RPP14: variants seen among roughly 807,000 people sequenced by gnomAD.
The protein encoded by RPP14 is ribonuclease P protein subunit p14.
A neutral mutation model predicts 17.8 loss-of-function variants in RPP14; 19 were observed. The observed-to-expected ratio is 1.07, with a 90% CI of 0.74 to 1.57. RPP14 has a LOEUF of 1.57. Ranked by LOEUF, RPP14 falls within the 40% of genes most tolerant of loss-of-function variation. RPP14 has a pLI of 0.00. For missense variants in RPP14, 125 were observed against 140.8 expected (o/e 0.89, Z 0.57); for synonymous variants, 60 against 56.4 (o/e 1.06, Z -0.29).
rs1036435792 is a variant in RPP14 at position 58,312,336 on chromosome 3, C to A, written c.162+1745C>A. On this transcript the variant is annotated intron_variant, in intron 3 of 5. Coordinates refer to ENST00000295959, the MANE Select transcript of RPP14 (RefSeq NM_007042.6). Reference sequence around the variant, plus strand: ...GAGTGCAGTGGCACAACCTCCGCACCCCCCCCCGCCCCTCCCGGATTCAAG... The same window carrying A: ...GAGTGCAGTGGCACAACCTCCGCACACCCCCCCGCCCCTCCCGGATTCAAG... Among the ~76,000 whole-genome samples the A allele has an allele frequency of 3.0e-4, 38 of 124,934 alleles. 7 individuals carry two copies. Among genetic ancestry groups the A allele is most frequent in the Non-Finnish European group, 5.6e-4 (33 of 58,926 alleles). 82.0% of individuals were successfully genotyped at this position (124,934 alleles called of 152,430 possible). A position where few individuals can be genotyped will look rare whatever the true frequency, so the allele number is the denominator to read the frequency against.
At position 58,317,558 on chromosome 3, in the gene RPP14, A is replaced by G. The variant is rs1465371571; in HGVS notation, c.*62A>G. ...CTCATATTTATTTTTTGGTGCCTGCATGTTTGAAGACTGAAGCAGGCTAAA... is the reference window on the plus strand; with the variant it reads ...CTCATATTTATTTTTTGGTGCCTGCGTGTTTGAAGACTGAAGCAGGCTAAA... On this transcript the variant is annotated 3_prime_UTR_variant, in exon 6 of 6. Coordinates refer to ENST00000295959, the MANE Select transcript of RPP14 (RefSeq NM_007042.6). 9.0e-7 allele frequency: 1 copy of G among 1,109,418 alleles called. No individual in the cohort carries two copies. The highest frequency in any genetic ancestry group is 1.4e-6 in the Non-Finnish European group (1 of 733,730). 68.7% of individuals were successfully genotyped at this position (1,109,418 alleles called of 1,614,324 possible). A position where few individuals can be genotyped will look rare whatever the true frequency, so the allele number is the denominator to read the frequency against.
At chr3:58,313,536 G>A (rs186119925) in intron 3 of RPP14, among the ~76,000 whole-genome samples, 1 of 152,306 alleles carries the variant, frequency 6.6e-6, no homozygotes, top group East Asian at 1.9e-4. Flanking sequence ...TTAAGAGGAT[G>A]AAAGGGCCAG....
chr3:58,306,597 C>T (rs1388113741), intron 1 of RPP14, 180 bp downstream of exon 1: 1 of 152,064 alleles, frequency 6.6e-6, no homozygotes, highest in East Asian at 1.9e-4. Flanking sequence ...GGCCGAGAGG[C>T]CCGGGCGAGA....
At chr3:58,307,849 G>A (rs2097477207) in intron 1 of RPP14, 1 of 150,702 alleles carries the variant, frequency 6.6e-6, no homozygotes, top group African/African-American at 2.4e-5. Flanking sequence ...AGAGGGCAGT[G>A]CTGTCATTTG....
chr3:58,313,124 C>T (rs1045067630), intron 3 of RPP14, among the ~76,000 whole-genome samples: 8 of 149,920 alleles, frequency 5.3e-5, no homozygotes, highest in African/African-American at 1.5e-4. Flanking sequence ...CCGGGCGCAG[C>T]GGCGGGCACC....
intron 1 of RPP14, 104 bp from the exon 2 acceptor site, chr3:58,310,205 T>G: frequency 1.2e-6 from 1 of 828,816 alleles, no homozygotes; most frequent in Non-Finnish European, 2.0e-6. Context: ...AGACCCTGCC[T>G]TAAAACAAAC....
chr3:58,310,193 T>G, intron 1 of RPP14, 116 bp from the exon 2 acceptor site: 2 of 718,100 alleles, frequency 2.8e-6, no homozygotes, highest in Non-Finnish European at 2.4e-6. Flanking sequence ...GGTGACAGGG[T>G]GAGACCCTGC....
At chr3:58,317,097 T>C in intron 5 of RPP14, 104 bp downstream of exon 5, 1 of 804,746 alleles carries the variant, frequency 1.2e-6, no homozygotes, top group Non-Finnish European at 2.0e-6. Flanking sequence ...GTAATATGGT[T>C]AAAATGATCT....
chr3:58,312,917 C>T (rs972405815), intron 3 of RPP14, among the ~76,000 whole-genome samples: 29 of 146,624 alleles, frequency 2.0e-4, no homozygotes, highest in Admixed American at 3.5e-4. Flanking sequence ...GCAGAGATCA[C>T]GCCACTGCAT....
rs1207426305 is a variant in RPP14, at chr3:58,319,978, C to G, written c.*2482C>G. 1 of 152,128 alleles carries G rather than the reference C, an allele frequency of 6.6e-6. No individual in the cohort carries two copies. The allele number at this position is 152,128 out of a possible 1,614,324, so 9.4% of individuals were successfully genotyped here. A position where few individuals can be genotyped will look rare whatever the true frequency, so the allele number is the denominator to read the frequency against. The stretch of plus-strand genomic sequence containing the variant: ...AAAGAACCTCCCATTAGCAGTCAAT[C>G]CATTTCTCTCCTCCAGTCTTTGGGA... On this transcript the variant is annotated 3_prime_UTR_variant, in exon 6 of 6. Coordinates refer to ENST00000295959, the MANE Select transcript of RPP14 (RefSeq NM_007042.6).
intron 3 of RPP14, among the ~76,000 whole-genome samples, chr3:58,315,971 C>T (rs547786022): frequency 3.3e-5 from 5 of 152,214 alleles, no homozygotes; most frequent in South Asian, 2.1e-4. Flanking sequence ...CCACTGTGCC[C>T]GGCCAATCCC....
At chr3:58,313,216 G>A (rs200017506) in intron 3 of RPP14, among the ~76,000 whole-genome samples, 3 of 152,002 alleles carry the variant, frequency 2.0e-5, no homozygotes, top group Admixed American at 6.6e-5. Flanking sequence ...CCGAGATCAC[G>A]CCACTGCACT....
At chr3:58,314,841 C>T (rs1197057479) in intron 3 of RPP14, among the ~76,000 whole-genome samples, 1 of 152,002 alleles carries the variant, frequency 6.6e-6, no homozygotes, top group Non-Finnish European at 1.5e-5. Context: ...CACACCACCA[C>T]ACCCAGCTAA....
At chr3:58,312,976 A>G (rs1240209267) in intron 3 of RPP14, among the ~76,000 whole-genome samples, 1 of 144,014 alleles carries the variant, frequency 6.9e-6, no homozygotes, top group African/African-American at 2.6e-5. Context: ...AAAAAAAAAA[A>G]AAAAGGGCTG....
At chr3:58,312,586 G>A (rs149748422) in intron 3 of RPP14, among the ~76,000 whole-genome samples, 110 of 152,272 alleles carry the variant, frequency 7.2e-4, no homozygotes, top group African/African-American at 2.6e-3. Flanking sequence ...TACTCAAAGT[G>A]TGGCCTAGAC....
chr3:58,307,618 CAGGAGACTG>C (rs1330407892), intron 1 of RPP14: 1 of 152,136 alleles, frequency 6.6e-6, no homozygotes, highest in Non-Finnish European at 1.5e-5. Flanking sequence ...CCCAGCTACT[CAGGAGACTG>C]AGGAGCGAGA....
chr3:58,308,387 T>C (rs2097478030), intron 1 of RPP14, among the ~76,000 whole-genome samples: 1 of 152,034 alleles, frequency 6.6e-6, no homozygotes, highest in African/African-American at 2.4e-5. Flanking sequence ...AGACTCAAGC[T>C]ATCCTCCCAC....
chr3:58,307,136 G>T (rs1354523092), intron 1 of RPP14, among the ~76,000 whole-genome samples: 2 of 152,222 alleles, frequency 1.3e-5, no homozygotes, highest in African/African-American at 4.8e-5. Context: ...GCTAGGCTAG[G>T]CCTGTGTGGT....
chr3:58,312,296 C>G (rs2107503462), intron 3 of RPP14, among the ~76,000 whole-genome samples: 1 of 149,512 alleles, frequency 6.7e-6, no homozygotes, highest in East Asian at 2.1e-4. Flanking sequence ...GAGTCTCGCT[C>G]TGTCACCCAG....
Sources: allele counts gnomAD v4.1 joint callset (sites outside exome capture counted in the v4.1 genomes callset), GRCh38; gene constraint gnomAD v4.1.1; transcripts MANE v1.5; gene names NCBI Gene and HGNC (gene_info 2026-07-23, HGNC 2026-07-21).